SIPA1L1: variants seen among roughly 807,000 people sequenced by gnomAD.
The protein encoded by SIPA1L1 is signal induced proliferation associated 1 like 1, also known as signal-induced proliferation-associated 1-like protein 1.
A neutral mutation model predicts 162.7 loss-of-function variants in SIPA1L1; 26 were observed. The observed-to-expected ratio is 0.16, with a 90% CI of 0.12 to 0.22. The LOEUF is 0.22. Ranked by LOEUF, SIPA1L1 falls within the 10% of genes least tolerant of loss-of-function variation. The pLI is 1.00. For synonymous variants in SIPA1L1, 829 were observed against 837.4 expected (o/e 0.99, Z 0.17); for missense variants, 1,874 against 2,241.0 (o/e 0.84, Z 3.31).
At chr14:71,407,458 C>G (rs1170926188) in intron 2 of SIPA1L1, among the ~76,000 whole-genome samples, 2 of 146,948 alleles carry the variant, frequency 1.4e-5, no homozygotes, top group Non-Finnish European at 3.0e-5. Flanking sequence ...TCTTCTCTCC[C>G]TCCCTCCCTT....
chr14:71,539,647 T>G (rs1191173808), intron 4 of SIPA1L1, among the ~76,000 whole-genome samples: 1 of 152,186 alleles, frequency 6.6e-6, no homozygotes, highest in Non-Finnish European at 1.5e-5. Flanking sequence ...GACAGATGGA[T>G]TTTGTAGCCT....
chr14:71,570,299 G>T (rs533537874), intron 4 of SIPA1L1, among the ~76,000 whole-genome samples: 1 of 150,500 alleles, frequency 6.6e-6, no homozygotes, highest in African/African-American at 2.5e-5. Flanking sequence ...TTGAGATGAG[G>T]TCTCACTCTG....
At chr14:71,726,192 A>G (rs376024082) in intron 19 of SIPA1L1, among the ~76,000 whole-genome samples, 2 of 152,236 alleles carry the variant, frequency 1.3e-5, no homozygotes, top group African/African-American at 4.8e-5. Context: ...AAATCATTGT[A>G]CAGATGTAGC....
intron 2 of SIPA1L1, among the ~76,000 whole-genome samples, chr14:71,371,679 C>T (rs2038905434): frequency 6.6e-6 from 1 of 152,116 alleles, no homozygotes; most frequent in South Asian, 2.1e-4. Context: ...GGATTACAGA[C>T]CTGCAACACC....
At chr14:71,421,856 G>A (rs1184100846) in intron 2 of SIPA1L1, among the ~76,000 whole-genome samples, 2 of 152,202 alleles carry the variant, frequency 1.3e-5, no homozygotes, top group African/African-American at 4.8e-5. Flanking sequence ...TGACAGGGCT[G>A]AAAGTAGAGG....
chr14:71,412,024 G>T (rs1437439663), intron 2 of SIPA1L1, among the ~76,000 whole-genome samples: 2 of 152,170 alleles, frequency 1.3e-5, no homozygotes, highest in Admixed American at 1.3e-4. Flanking sequence ...TGCCAGCCAT[G>T]TCTTATTTAT....
chr14:71,722,237 G>A (rs1214067603), intron 17 of SIPA1L1, among the ~76,000 whole-genome samples: 1 of 152,170 alleles, frequency 6.6e-6, no homozygotes, highest in Non-Finnish European at 1.5e-5. Flanking sequence ...CCTGATTTTG[G>A]ATTCTTATGA....
chr14:71,386,229 C>T (rs189381066), intron 2 of SIPA1L1, among the ~76,000 whole-genome samples: 1 of 152,266 alleles, frequency 6.6e-6, no homozygotes, highest in African/African-American at 2.4e-5. Flanking sequence ...GCAAGGAAGC[C>T]AGTCCAAGTC....
chr14:71,597,239 C>T (rs1200741128), intron 5 of SIPA1L1, among the ~76,000 whole-genome samples: 1 of 152,134 alleles, frequency 6.6e-6, no homozygotes, highest in East Asian at 1.9e-4. Flanking sequence ...ACCTCAGCCT[C>T]CCAAAGAGCT....
At chr14:71,720,957 G>T (rs903525471) in intron 17 of SIPA1L1, among the ~76,000 whole-genome samples, 1 of 152,092 alleles carries the variant, frequency 6.6e-6, no homozygotes, top group Non-Finnish European at 1.5e-5. Flanking sequence ...TGCCTTATTT[G>T]GTTCATTTGA....
intron 4 of SIPA1L1, among the ~76,000 whole-genome samples, chr14:71,582,610 A>G (rs756180476): frequency 6.6e-6 from 1 of 152,154 alleles, no homozygotes; most frequent in Non-Finnish European, 1.5e-5. Context: ...TTATCTCTAA[A>G]TTCAAATACA....
chr14:71,545,843 A>G (rs1433375654), intron 4 of SIPA1L1, among the ~76,000 whole-genome samples: 1 of 152,092 alleles, frequency 6.6e-6, no homozygotes, highest in African/African-American at 2.4e-5. Flanking sequence ...GTGCATGCCT[A>G]TAATCCTAGC....
intron 2 of SIPA1L1, among the ~76,000 whole-genome samples, chr14:71,398,176 C>T (rs1012095088): frequency 1.3e-5 from 2 of 151,956 alleles, no homozygotes; most frequent in Non-Finnish European, 2.9e-5. Flanking sequence ...CCACTGCACC[C>T]GGCTAATTTT....
At position 71,529,349 on chromosome 14, in the gene SIPA1L1, G is replaced by A; in HGVS notation, c.-324G>A. ...TGGTGTGGACGTTGTCTAAATTTCG[G>A]TAGCCATGGCACAAGAATATAGTAA... is the stretch of plus-strand genomic sequence containing the variant. On this transcript the variant is annotated 5_prime_UTR_variant, in exon 4 of 24. Coordinates refer to ENST00000381232, the MANE Select transcript of SIPA1L1 (RefSeq NM_001386936.1). 4.4e-6 allele frequency: 3 copies of A among 681,006 alleles called. No individual in the cohort carries two copies. Among genetic ancestry groups the A allele is most frequent in the East Asian group, 2.7e-5 (1 of 37,026 alleles). 42.2% of individuals were successfully genotyped at this position (681,006 alleles called of 1,614,324 possible).
intron 4 of SIPA1L1, among the ~76,000 whole-genome samples, chr14:71,582,422 A>G (rs181642266): frequency 3.3e-5 from 5 of 152,206 alleles, no homozygotes; most frequent in Admixed American, 2.6e-4. Context: ...CTTTCTGCCA[A>G]ACTTTTGTGT....
intron 4 of SIPA1L1, among the ~76,000 whole-genome samples, chr14:71,565,898 A>G (rs1253844002): frequency 6.6e-6 from 1 of 152,132 alleles, no homozygotes; most frequent in South Asian, 2.1e-4. Context: ...TTTTGCATAT[A>G]TAAATATGTG....
intron 13 of SIPA1L1, among the ~76,000 whole-genome samples, chr14:71,688,024 T>A (rs940106744): frequency 4.6e-5 from 7 of 152,204 alleles, no homozygotes; most frequent in African/African-American, 1.7e-4. Context: ...TTAGGATGAT[T>A]TGGCTCATCT....
chr14:71,634,275 AC>A (rs1184961069), intron 7 of SIPA1L1, among the ~76,000 whole-genome samples: 3 of 151,658 alleles, frequency 2.0e-5, no homozygotes, highest in Admixed American at 6.6e-5. Context: ...GGTGGCGGGC[AC>A]CTGTAATCCC....
At position 71,740,006 on chromosome 14, in the gene SIPA1L1, T is replaced by C. The variant is rs558864485; in HGVS notation, c.*845T>C. ...AGAATTCCCCCAAACTAAAACCTTA[T>C]CTGTCTGCATTTTGAATGCATTTTG... On this transcript the variant is annotated 3_prime_UTR_variant, in exon 24 of 24. Transcript: ENST00000381232. 1 of 152,338 alleles carries C rather than the reference T, an allele frequency of 6.6e-6. No individual in the cohort carries two copies. The highest frequency in any genetic ancestry group is 2.1e-4 in the South Asian group (1 of 4,828). The allele number at this position is 152,338 out of a possible 1,614,324, so 9.4% of individuals were successfully genotyped here. A position where few individuals can be genotyped will look rare whatever the true frequency, so the allele number is the denominator to read the frequency against.
Sources: gnomAD v4.1 joint callset for allele counts (sites outside exome capture counted in the v4.1 genomes callset) on GRCh38, gnomAD v4.1.1 for gene constraint, MANE v1.5 for transcripts, NCBI Gene and HGNC (gene_info 2026-07-23, HGNC 2026-07-21) for gene names.